Variants in EPB41L4A observed in about 807,000 individuals in gnomAD.
EPB41L4A encodes band 4.1-like protein 4A.
Under a neutral mutation model 108.6 loss-of-function variants are expected in EPB41L4A, and 100 were observed. The ratio of observed to expected loss-of-function variants is 0.92; its 90% CI spans 0.78 to 1.09. The LOEUF (loss-of-function observed/expected upper bound fraction) is 1.09, where lower values mean the gene tolerates loss of function less well. EPB41L4A is among the 50% of genes least tolerant of loss of function. EPB41L4A has a pLI of 0.00. For synonymous variants in EPB41L4A, 319 were observed against 289.0 expected, an observed-to-expected ratio of 1.10 and a Z score of -1.05; for missense variants, 1,030 against 842.7, an observed-to-expected ratio of 1.22 and a Z score of -2.75.
chr5:112,270,608 CT>C (rs1752198079), intron 4 of EPB41L4A, among the ~76,000 whole-genome samples: 1 of 152,126 alleles, frequency 6.6e-6, no homozygotes, highest in Non-Finnish European at 1.5e-5. Flanking sequence ...TTATATAGTT[CT>C]TTAAAGTTCA....
chr5:112,228,821 G>T (rs940298145), intron 12 of EPB41L4A: 2 of 829,344 alleles, frequency 2.4e-6, no homozygotes, highest in African/African-American at 1.8e-5. Flanking sequence ...AGACTTGCAG[G>T]AATGCTCTGG....
At chr5:112,419,927 C>CGGGGACCTGCGGGCGGA (rs1561663721), upstream of EPB41L4A, 10 of 455,564 alleles carry the variant, frequency 2.2e-5, no homozygotes, top group South Asian at 1.2e-4. Context: ...AGCGGGGAGG[C>CGGGGACCTGCGGGCGGA]GGGGACCTGC....
intron 17 of EPB41L4A, 97 bp downstream of exon 17, chr5:112,194,471 G>C (rs1761861043): frequency 1.5e-6 from 1 of 672,188 alleles, no homozygotes; most frequent in Admixed American, 3.3e-5. Context: ...CTCAGACTCA[G>C]ATGGAAAAAA....
intron 1 of EPB41L4A, among the ~76,000 whole-genome samples, chr5:112,374,122 T>A (rs920465273): frequency 6.6e-6 from 1 of 152,164 alleles, no homozygotes; most frequent in Non-Finnish European, 1.5e-5. Flanking sequence ...TAGAAATAAA[T>A]AGCATTCTTC....
At chr5:112,330,935 A>G (rs935111683) in intron 1 of EPB41L4A, among the ~76,000 whole-genome samples, 2 of 152,158 alleles carry the variant, frequency 1.3e-5, no homozygotes, top group Non-Finnish European at 2.9e-5. Flanking sequence ...AAACTTCAGT[A>G]CTGTTTCCAT....
rs752771780 is a variant in EPB41L4A, at chr5:112,184,099, A to G, written c.1539T>C (p.Pro513=). The G allele has an allele frequency of 6.2e-7, 1 of 1,613,988 alleles. No homozygotes were observed. Residue 513 remains proline, a synonymous_variant, in exon 18 of 23, where the codon CCT becomes CCC. Transcript: ENST00000261486. ...RQENDMVDSA[P]QWEAVLRRQK... Reference sequence around the variant, plus strand: ...GTCTCCTTAATACAGCTTCCCACTGAGGCGCTGAATCAACCATATCATTCT... The same window carrying G: ...GTCTCCTTAATACAGCTTCCCACTGGGGCGCTGAATCAACCATATCATTCT...
At chr5:112,278,064 C>A (rs1752722221) in intron 3 of EPB41L4A, among the ~76,000 whole-genome samples, 1 of 152,112 alleles carries the variant, frequency 6.6e-6, no homozygotes, top group Admixed American at 6.5e-5. Context: ...TCAAGATTAA[C>A]TATAAGCATT....
Position 112,419,170 on chromosome 5 carries a change from G to C in EPB41L4A, c.-131C>G. On this transcript the variant is annotated 5_prime_UTR_variant, in exon 1 of 23. Coordinates refer to ENST00000261486, the MANE Select transcript of EPB41L4A (RefSeq NM_022140.5). The stretch of plus-strand genomic sequence containing the variant: ...AGGGTGAGACGAGCAGCTCCCGGCG[G>C]GGTCCGGGGACCGGCCGCCGAACCG... 2 of 657,030 alleles carry C rather than the reference G, an allele frequency of 3.0e-6. No individual in the cohort carries two copies. The highest frequency in any genetic ancestry group is 5.2e-6 in the Non-Finnish European group (2 of 387,380). The allele number at this position is 657,030 out of a possible 1,614,324, so 40.7% of individuals were successfully genotyped here. A position where few individuals can be genotyped will look rare whatever the true frequency, so the allele number is the denominator to read the frequency against.
rs545105242 is a variant in EPB41L4A, at chr5:112,352,584, T to C, written c.100-45094A>G. The stretch of plus-strand genomic sequence containing the variant: ...TATCTTAAGTGGAATATTCAATCTG[T>C]TTATATTCAAGGTTATTATTAATGT... On this transcript the variant is annotated intron_variant, in intron 1 of 22. Transcript: ENST00000261486. 3.3e-5 allele frequency among the ~76,000 whole-genome samples: 5 copies of C among 152,332 alleles called. No individual in the cohort carries two copies. The East Asian group carries it at 7.7e-4, about 23-fold the overall frequency.
At chr5:112,231,795 A>C (rs1748967261) in intron 12 of EPB41L4A, among the ~76,000 whole-genome samples, 1 of 140,650 alleles carries the variant, frequency 7.1e-6, no homozygotes, top group African/African-American at 2.6e-5. Flanking sequence ...CCGTCTCAAA[A>C]AAAAAAAAAA....
rs1028990317 is a variant in EPB41L4A, at chr5:112,232,023, G to A, written c.1087+2611C>T. Among the ~76,000 whole-genome samples the A allele has an allele frequency of 2.6e-5, 4 of 151,576 alleles. No individual in the cohort carries two copies. In the East Asian group the frequency reaches 7.8e-4, roughly 30 times the overall value. ...CCAGCTACACAGAAGGCTGAGGTGG[G>A]AGGATTGCTTGAGCCATAAGTTCAA... is the stretch of plus-strand genomic sequence containing the variant. On this transcript the variant is annotated intron_variant, in intron 12 of 22. Transcript: ENST00000261486.
intron 1 of EPB41L4A, among the ~76,000 whole-genome samples, chr5:112,313,157 G>C (rs1755157141): frequency 6.6e-6 from 1 of 152,214 alleles, no homozygotes; most frequent in South Asian, 2.1e-4. Context: ...AATGCAAAGT[G>C]ATGTGATGCG....
chr5:112,170,152 CT>C (rs113684359), intron 20 of EPB41L4A, 148 bp downstream of exon 20: 3 of 722,844 alleles, frequency 4.2e-6, no homozygotes, highest in Non-Finnish European at 6.9e-6. Flanking sequence ...TTAATGCACA[CT>C]TTTCTTCCTC....
At chr5:112,214,479 G>A (rs1350898299) in intron 12 of EPB41L4A, among the ~76,000 whole-genome samples, 2 of 152,122 alleles carry the variant, frequency 1.3e-5, no homozygotes, top group Non-Finnish European at 2.9e-5. Context: ...AAACACAGAG[G>A]GCAGCCGGGC....
At chr5:112,180,657 T>TA (rs34598344) in intron 18 of EPB41L4A, among the ~76,000 whole-genome samples, 75,860 of 123,144 alleles carry the variant, frequency 0.62, 23,978 homozygotes, top group Admixed American at 0.73. Context: ...CCCTTAAGAT[T>TA]AAAAAAAAAA....
At chr5:112,263,672 A>G (rs950740950) in intron 6 of EPB41L4A, 3 of 152,230 alleles carry the variant, frequency 2.0e-5, no homozygotes, top group African/African-American at 7.2e-5. Flanking sequence ...ATCAGGTTGG[A>G]GAGCCTTCTA....
intron 4 of EPB41L4A, among the ~76,000 whole-genome samples, chr5:112,269,688 AGGAGT>A (rs1752125061): frequency 1.3e-5 from 2 of 152,200 alleles, no homozygotes; most frequent in Non-Finnish European, 2.9e-5. Flanking sequence ...CTAAAGTGTC[AGGAGT>A]TTGGACAATA....
At chr5:112,281,991 CAACTAAA>C (rs1376600733) in intron 2 of EPB41L4A, among the ~76,000 whole-genome samples, 1 of 151,916 alleles carries the variant, frequency 6.6e-6, no homozygotes, top group Non-Finnish European at 1.5e-5. Context: ...CTAAGTGTAG[CAACTAAA>C]AACTAAAAAT....
Position 112,320,029 on chromosome 5 carries a change from G to C in EPB41L4A, c.100-12539C>G, listed in dbSNP as rs115528474. Among the ~76,000 whole-genome samples, 803 of 152,336 alleles carry C rather than the reference G, an allele frequency of 5.3e-3. 2 individuals carry two copies. The highest frequency in any genetic ancestry group is 0.014 in the Middle Eastern group (4 of 294). On this transcript the variant is annotated intron_variant, in intron 1 of 22. Transcript: ENST00000261486. ...CTGTGAGTGAAGGATCTAAAGAGTT[G>C]TTTGTATTATGATTACAGCTCTTCT...
Sources: allele counts gnomAD v4.1 joint callset (sites outside exome capture counted in the v4.1 genomes callset), GRCh38; gene constraint gnomAD v4.1.1; transcripts MANE v1.5; gene names NCBI Gene and HGNC (gene_info 2026-07-23, HGNC 2026-07-21).